ARGFX: variants seen among roughly 807,000 people sequenced by gnomAD.
The protein encoded by ARGFX is arginine-fifty homeobox.
ARGFX carries 10 observed loss-of-function variants against 8.0 expected under a neutral mutation model. The ratio of observed to expected loss-of-function variants is 1.25; its 90% CI spans 0.77 to 2.12. The LOEUF is 2.12. ARGFX is among the 30% of genes most tolerant of loss of function. The pLI is 0.00. For missense variants in ARGFX, 282 were observed against 324.3 expected (o/e 0.87, Z 1.00); for synonymous variants, 116 against 117.8 (o/e 0.98, Z 0.10).
intron 2 of ARGFX, among the ~76,000 whole-genome samples, chr3:121,575,787 C>T (rs1243130023): frequency 1.3e-5 from 2 of 152,116 alleles, no homozygotes; most frequent in East Asian, 3.9e-4. Flanking sequence ...GTGGTGAGCG[C>T]CTGTAGTCTC....
intron 3 of ARGFX, 144 bp from the exon 4 acceptor site, chr3:121,584,773 G>T (rs897793703): frequency 2.8e-5 from 26 of 924,224 alleles, no homozygotes; most frequent in Non-Finnish European, 4.1e-5. Context: ...CCTGGGATCT[G>T]CATTTTCTGG....
intron 2 of ARGFX, among the ~76,000 whole-genome samples, chr3:121,571,576 ATTT>A (rs1210665803): frequency 2.3e-4 from 34 of 150,526 alleles, no homozygotes; most frequent in East Asian, 5.8e-4. Flanking sequence ...TATTATTATT[ATTT>A]TTTGAGACAG....
At chr3:121,577,521 G>A (rs569410471) in intron 3 of ARGFX, among the ~76,000 whole-genome samples, 1 of 151,758 alleles carries the variant, frequency 6.6e-6, no homozygotes, top group African/African-American at 2.4e-5. Flanking sequence ...GCCTCCCAAA[G>A]TGCTGGGATT....
chr3:121,569,940 C>A (rs546237674), intron 1 of ARGFX, among the ~76,000 whole-genome samples: 27 of 152,258 alleles, frequency 1.8e-4, no homozygotes, highest in African/African-American at 6.3e-4. Context: ...AGCACCTTAA[C>A]CATATATATT....
At chr3:121,585,306 G>A (rs1164628576) in intron 4 of ARGFX, among the ~76,000 whole-genome samples, 1 of 152,122 alleles carries the variant, frequency 6.6e-6, no homozygotes, top group Non-Finnish European at 1.5e-5. Flanking sequence ...AAATAGTGTT[G>A]CTAGAACTAA....
chr3:121,579,169 G>C (rs2048762637), intron 3 of ARGFX, among the ~76,000 whole-genome samples: 1 of 152,154 alleles, frequency 6.6e-6, no homozygotes, highest in South Asian at 2.1e-4. Flanking sequence ...ACATGGATGT[G>C]AGTTTTCCTG....
chr3:121,583,019 T>A (rs536662712), intron 3 of ARGFX, among the ~76,000 whole-genome samples: 36 of 145,400 alleles, frequency 2.5e-4, no homozygotes, highest in African/African-American at 8.4e-4. Context: ...TTTTGATAAT[T>A]GCGGGATTTT....
At chr3:121,584,259 GA>G (rs1224702498) in intron 3 of ARGFX, among the ~76,000 whole-genome samples, 6 of 147,880 alleles carry the variant, frequency 4.1e-5, no homozygotes, top group African/African-American at 1.5e-4. Flanking sequence ...AGGAAGGAAG[GA>G]AGGAAGGAAA....
At chr3:121,577,177 T>TTGTGTATATA (rs1158387943) in intron 3 of ARGFX, among the ~76,000 whole-genome samples, 3 of 122,802 alleles carry the variant, frequency 2.4e-5, no homozygotes, top group African/African-American at 8.5e-5. Context: ...GAAAAGTGTG[T>TTGTGTATATA]TGTGTATATA....
Position 121,588,107 on chromosome 3 carries a change from A to G in ARGFX, c.*1507A>G, listed in dbSNP as rs1254410993. Among the ~76,000 whole-genome samples the G allele has an allele frequency of 6.6e-6, 1 of 152,004 alleles. No individual in the cohort carries two copies. Among genetic ancestry groups the G allele is most frequent in the Non-Finnish European group, 1.5e-5 (1 of 68,012 alleles). On this transcript the variant is annotated 3_prime_UTR_variant, in exon 5 of 5. Coordinates refer to ENST00000334384, the MANE Select transcript of ARGFX (RefSeq NM_001012659.2). ...AAAGAGTCAAACTTTTAGAATGACA[A>G]GTTAGCATATTTTCCAGCCACATGA...
intron 3 of ARGFX, among the ~76,000 whole-genome samples, chr3:121,580,594 G>GTGTA (rs1394661822): frequency 0.015 from 1,102 of 73,364 alleles, 2 homozygotes; most frequent in African/African-American, 0.022. Context: ...GTGTGTGTGT[G>GTGTA]TATATATATA....
chr3:121,573,752 G>A (rs1300572128), intron 2 of ARGFX, among the ~76,000 whole-genome samples: 1 of 149,828 alleles, frequency 6.7e-6, no homozygotes, highest in Non-Finnish European at 1.5e-5. Context: ...GGAGGCTGAG[G>A]CAGGAGAATC....
At chr3:121,583,164 G>A (rs1263450615) in intron 3 of ARGFX, among the ~76,000 whole-genome samples, 1 of 151,340 alleles carries the variant, frequency 6.6e-6, no homozygotes, top group Non-Finnish European at 1.5e-5. Flanking sequence ...CTAGTAGCTG[G>A]GATTACAGGC....
rs1258329142 is a variant in ARGFX at position 121,586,004 on chromosome 3, C to G, written c.370-18C>G. ...TCCAATAACAGACCACAATCTCCCC[C>G]TCTTCCCCTACTCCCAGGTTTGGTT... is the stretch of plus-strand genomic sequence containing the variant. On this transcript the variant is annotated intron_variant, in intron 4 of 4. Coordinates refer to ENST00000334384, the MANE Select transcript of ARGFX (RefSeq NM_001012659.2). The G allele has an allele frequency of 1.9e-6, 3 of 1,552,560 alleles. No homozygotes were observed. The highest frequency in any genetic ancestry group is 1.4e-5 in the African/African-American group (1 of 72,888).
chr3:121,573,225 A>G (rs1251580685), intron 2 of ARGFX, among the ~76,000 whole-genome samples: 3 of 152,224 alleles, frequency 2.0e-5, no homozygotes, highest in African/African-American at 7.2e-5. Context: ...TCATGCCTGT[A>G]ATCCCAGCAC....
chr3:121,573,798 A>G (rs548705750), intron 2 of ARGFX, among the ~76,000 whole-genome samples: 56 of 141,270 alleles, frequency 4.0e-4, no homozygotes, highest in Non-Finnish European at 7.7e-4. Flanking sequence ...CAGTGAGCCG[A>G]GATCACGCCA....
intron 3 of ARGFX, among the ~76,000 whole-genome samples, chr3:121,577,259 A>ATATATATTTTTTTTT (rs1403064031): frequency 3.4e-5 from 2 of 59,644 alleles, no homozygotes; most frequent in African/African-American, 1.2e-4. Flanking sequence ...ATATATATAT[A>ATATATATTTTTTTTT]TTTTTTTTTT....
At chr3:121,583,490 A>C (rs949280682) in intron 3 of ARGFX, among the ~76,000 whole-genome samples, 9 of 151,384 alleles carry the variant, frequency 5.9e-5, no homozygotes, top group African/African-American at 2.2e-4. Flanking sequence ...AGGCTGACAC[A>C]TGATTGTGCA....
rs559634242 is a variant in ARGFX, at chr3:121,581,560, T to C, written c.221-3357T>C. ...CCCAAGTTGTTCCAAGCATACTAGT[T>C]TCCCAATAATTGCACTATCAGTTTT... On this transcript the variant is annotated intron_variant, in intron 3 of 4. Transcript: ENST00000334384. Among the ~76,000 whole-genome samples the C allele has an allele frequency of 3.3e-5, 5 of 152,324 alleles. 1 individual carries two copies. In the South Asian group the frequency reaches 1.0e-3, roughly 32 times the overall value.
Sources: gnomAD v4.1 joint callset for allele counts (sites outside exome capture counted in the v4.1 genomes callset) on GRCh38, gnomAD v4.1.1 for gene constraint, MANE v1.5 for transcripts, NCBI Gene and HGNC (gene_info 2026-07-23, HGNC 2026-07-21) for gene names.